The following FGD4 variants were observed in gnomAD, a reference collection of about 807,000 sequenced individuals.
FGD4 encodes FYVE, RhoGEF and PH domain containing 4.
Under a neutral mutation model 102.0 loss-of-function variants are expected in FGD4, and 42 were observed. The ratio of observed to expected loss-of-function variants is 0.41; its 90% CI spans 0.32 to 0.53. FGD4 has a LOEUF of 0.53. FGD4 is among the 20% of genes least tolerant of loss of function. The pLI is 0.21. For missense variants in FGD4, 902 were observed against 1,078.2 expected, an observed-to-expected ratio of 0.84 and a Z score of 2.29; for synonymous variants, 380 against 375.7, an observed-to-expected ratio of 1.01 and a Z score of -0.13.
chr12:32,627,390 G>A (rs1950248335), intron 14 of FGD4, among the ~76,000 whole-genome samples: 1 of 151,992 alleles, frequency 6.6e-6, no homozygotes, highest in African/African-American at 2.4e-5. Context: ...TCCTGACTTT[G>A]TGACCTGCCC....
At chr12:32,585,235 T>C (rs1403343763) in intron 4 of FGD4, among the ~76,000 whole-genome samples, 2 of 81,898 alleles carry the variant, frequency 2.4e-5, no homozygotes, top group African/African-American at 1.6e-4. Context: ...TATATATATA[T>C]ATATATATAT....
At chr12:32,573,452 T>C (rs1007607693) in intron 2 of FGD4, among the ~76,000 whole-genome samples, 2 of 152,214 alleles carry the variant, frequency 1.3e-5, no homozygotes, top group African/African-American at 4.8e-5. Context: ...CTTTTTCTTT[T>C]AGTCCTGCGT....
intron 10 of FGD4, among the ~76,000 whole-genome samples, chr12:32,614,898 TAA>T (rs1240974746): frequency 6.6e-6 from 1 of 152,258 alleles, no homozygotes; most frequent in Non-Finnish European, 1.5e-5. Flanking sequence ...CACAAACTTT[TAA>T]AAGTCTTTTT....
intron 1 of FGD4, among the ~76,000 whole-genome samples, chr12:32,562,725 G>C (rs1944722294): frequency 1.3e-5 from 2 of 152,192 alleles, no homozygotes; most frequent in African/African-American, 4.8e-5. Context: ...CACAGGGTTG[G>C]GGGTAAAAGG....
intron 1 of FGD4, chr12:32,486,048 C>A: frequency 6.7e-7 from 1 of 1,490,994 alleles, no homozygotes; most frequent in Non-Finnish European, 8.9e-7. Context: ...TAGTTTCTAC[C>A]AACAAATTAT....
intron 1 of FGD4, among the ~76,000 whole-genome samples, chr12:32,463,787 C>T: frequency 6.6e-6 from 1 of 152,170 alleles, no homozygotes; most frequent in Non-Finnish European, 1.5e-5. Flanking sequence ...CTGCCCACTT[C>T]TTTGAAGAAG....
intron 9 of FGD4, 144 bp from the exon 10 acceptor site, chr12:32,610,993 T>A (rs1396064680): frequency 2.4e-6 from 3 of 1,246,744 alleles, no homozygotes; most frequent in African/African-American, 3.0e-5. Context: ...TCTCTGAACT[T>A]GCTAATAAGT....
intron 4 of FGD4, among the ~76,000 whole-genome samples, chr12:32,596,585 T>TC (rs998375453): frequency 2.6e-5 from 4 of 151,900 alleles, no homozygotes; most frequent in African/African-American, 9.7e-5. Context: ...ATGGAAAGTT[T>TC]TTTTTTTTTT....
chr12:32,495,695 C>CAAAAAAAAAAAAAAAA (rs766436638), intron 1 of FGD4, among the ~76,000 whole-genome samples: 15 of 76,066 alleles, frequency 2.0e-4, no homozygotes, highest in African/African-American at 8.1e-4. Flanking sequence ...GACTCTGTTT[C>CAAAAAAAAAAAAAAAA]AAAAAAAAAA....
chr12:32,410,186 G>A (rs1352200935), intron 1 of FGD4, among the ~76,000 whole-genome samples: 19 of 152,032 alleles, frequency 1.2e-4, no homozygotes, highest in Non-Finnish European at 2.9e-5. Flanking sequence ...AAATTAGCCG[G>A]GTCTGGTGGC....
intron 10 of FGD4, among the ~76,000 whole-genome samples, chr12:32,612,314 C>T (rs926271711): frequency 7.2e-5 from 11 of 152,216 alleles, no homozygotes; most frequent in Non-Finnish European, 1.2e-4. Flanking sequence ...ACCCTGTGCT[C>T]GCTCATTCAC....
intron 1 of FGD4, among the ~76,000 whole-genome samples, chr12:32,412,083 A>G (rs926616937): frequency 3.9e-5 from 6 of 152,258 alleles, no homozygotes; most frequent in African/African-American, 1.4e-4. Context: ...AAATACTTAC[A>G]TAATCTTATT....
At position 32,625,776 on chromosome 12, in the gene FGD4, A is replaced by T. The variant is rs200761894; in HGVS notation, c.2169A>T (p.Gly723=). 1.2e-5 allele frequency: 20 copies of T among 1,613,880 alleles called. No individual in the cohort carries two copies. The East Asian group carries it at 4.2e-4, about 34-fold the overall frequency. Residue 723 remains glycine (G), a synonymous_variant, in exon 14 of 17, where the codon GGA becomes GGT. Coordinates refer to ENST00000534526, the MANE Select transcript of FGD4 (RefSeq NM_001370298.3). Reference sequence around the variant, plus strand: ...GGAGGCATCATTGTCGAGCATGTGGATATGTAAGTGAGATTTCTTGATCAT... The same window carrying T: ...GGAGGCATCATTGTCGAGCATGTGGTTATGTAAGTGAGATTTCTTGATCAT... The part of the protein sequence containing the change: ...TRRRHHCRAC[G]YVVCWKCSDY...
chr12:32,399,943 G>C lies in FGD4; in HGVS notation c.150G>C (p.Val50=), dbSNP rs1419786262. Reference sequence around the variant, plus strand: ...GGACCGCTGCCTTCAAGGGCCAGGTGCCCTCAGGAGCCACAGGTAAGCGCC... The same window carrying C: ...GGACCGCTGCCTTCAAGGGCCAGGTCCCCTCAGGAGCCACAGGTAAGCGCC... ...RVGTAAFKGQ[V]PSGATGSSTC... is the part of the protein sequence containing the mutation. The change falls in exon 1 of 17, where the codon GTG becomes GTC. Residue 50 remains valine, a synonymous_variant. Transcript: ENST00000534526. 1.3e-6 allele frequency: 2 copies of C among 1,492,522 alleles called. No individual in the cohort carries two copies. Among genetic ancestry groups the C allele is most frequent in the African/African-American group, 2.9e-5 (2 of 68,866 alleles). 92.5% of individuals were successfully genotyped at this position (1,492,522 alleles called of 1,614,324 possible). A position where few individuals can be genotyped will look rare whatever the true frequency, so the allele number is the denominator to read the frequency against.
At chr12:32,524,520 C>CAAAAA (rs1292767394) in intron 1 of FGD4, among the ~76,000 whole-genome samples, 1 of 67,646 alleles carries the variant, frequency 1.5e-5, no homozygotes. Flanking sequence ...AGCTATAATT[C>CAAAAA]AAATAAAAAA....
chr12:32,595,740 C>T (rs1947840963), intron 4 of FGD4, among the ~76,000 whole-genome samples: 1 of 152,168 alleles, frequency 6.6e-6, no homozygotes, highest in South Asian at 2.1e-4. Context: ...AATGCCAGTA[C>T]TTTATCCCGA....
At chr12:32,567,167 G>T (rs1328114343) in intron 2 of FGD4, among the ~76,000 whole-genome samples, 1 of 152,190 alleles carries the variant, frequency 6.6e-6, no homozygotes, top group African/African-American at 2.4e-5. Flanking sequence ...GGAAGCCTTT[G>T]TCTCTTTGTA....
intron 1 of FGD4, among the ~76,000 whole-genome samples, chr12:32,472,427 G>C (rs1943437952): frequency 6.6e-6 from 1 of 152,006 alleles, no homozygotes; most frequent in Non-Finnish European, 1.5e-5. Flanking sequence ...GGGGGACTTA[G>C]CACCCGGGCC....
chr12:32,562,190 T>C (rs1424516949), intron 1 of FGD4, among the ~76,000 whole-genome samples: 2 of 152,182 alleles, frequency 1.3e-5, no homozygotes, highest in Non-Finnish European at 2.9e-5. Flanking sequence ...TTCGCCTACA[T>C]TGTAGCAGCT....
Sources: allele counts gnomAD v4.1 joint callset (sites outside exome capture counted in the v4.1 genomes callset), GRCh38; gene constraint gnomAD v4.1.1; transcripts MANE v1.5; gene names NCBI Gene and HGNC (gene_info 2026-07-23, HGNC 2026-07-21).